Variants in NFRKB observed in about 807,000 individuals in gnomAD.
NFRKB encodes the protein nuclear factor related to kappa-B-binding protein.
A neutral mutation model predicts 135.7 loss-of-function variants in NFRKB; 62 were observed. That is an observed-to-expected ratio of 0.46 (90% CI 0.37 to 0.56). The LOEUF (loss-of-function observed/expected upper bound fraction) is 0.56. NFRKB is among the 20% of genes least tolerant of loss of function. The pLI is 0.00. For synonymous variants in NFRKB, 678 were observed against 635.6 expected (o/e 1.07, Z -1.00); for missense variants, 1,545 against 1,662.0 (o/e 0.93, Z 1.22).
chr11:129,884,070 T>C lies in NFRKB; in HGVS notation c.816A>G (p.Pro272=), dbSNP rs1462936614. The C allele has an allele frequency of 6.2e-7, 1 of 1,614,094 alleles. No homozygotes were observed. The highest frequency in any genetic ancestry group is 2.2e-5 in the East Asian group (1 of 44,902). ...CGGCCGCACGCCCTTCCCATCTTAC[T>C]GGCTGATGTTTCCGCTTCTCGTGGT... ...KKHHEKRKHQ[P]DHPDLLTGDL... The change falls in exon 8 of 27, where the codon CCA becomes CCG. Residue 272 remains proline (P), a splice_region_variant and synonymous_variant. Transcript: ENST00000682444.
chr11:129,878,285 C>T (rs1565406528), intron 15 of NFRKB, 24 bp downstream of exon 15: 1 of 1,611,708 alleles, frequency 6.2e-7, no homozygotes, highest in Admixed American at 1.7e-5. Context: ...AGGACACCAC[C>T]CACCACTACA....
intron 23 of NFRKB, among the ~76,000 whole-genome samples, chr11:129,870,721 A>T (rs1354063303): frequency 6.6e-6 from 1 of 152,070 alleles, no homozygotes; most frequent in Non-Finnish European, 1.5e-5. Context: ...TGTACAACTG[A>T]GCCCGGCTTC....
Position 129,882,628 on chromosome 11 carries a change from A to G in NFRKB, c.905T>C (p.Leu302Ser). Residue 302 changes from leucine to serine, a missense_variant, in exon 10 of 27, where the codon TTA becomes TCA. Around this residue, in one of 3 missense-constraint regions of NFRKB, gnomAD observed 678 missense variants for 646.7 expected, o/e 1.05. Transcript: ENST00000682444. ...NAGRKGSLAA[L>S]YDLAVLKKKV... ...TTTTTTAAGGACAGCCAAGTCATAT[A>G]AGGCTAGAAAGGCAAAGTAACACCA... 13 of 1,613,074 alleles carry G rather than the reference A, an allele frequency of 8.1e-6. No homozygotes were observed. The highest frequency in any genetic ancestry group is 1.1e-5 in the Non-Finnish European group (13 of 1,179,764).
intron 3 of NFRKB, among the ~76,000 whole-genome samples, chr11:129,889,679 T>C (rs533084964): frequency 1.3e-5 from 2 of 149,092 alleles, no homozygotes; most frequent in Admixed American, 1.3e-4. Context: ...GAAGCAAACA[T>C]CCCACATTTA....
intron 24 of NFRKB, among the ~76,000 whole-genome samples, chr11:129,868,682 C>T (rs746658755): frequency 1.3e-5 from 2 of 152,230 alleles, no homozygotes; most frequent in Non-Finnish European, 2.9e-5. Context: ...ATTCAAAAGA[C>T]CCCAGTCAGT....
chr11:129,891,219 C>T (rs1326726503), intron 3 of NFRKB, among the ~76,000 whole-genome samples: 1 of 151,226 alleles, frequency 6.6e-6, no homozygotes, highest in African/African-American at 2.4e-5. Context: ...GCCAGGAGCA[C>T]AAAAGATGCC....
At chr11:129,889,127 A>G (rs944943012) in intron 3 of NFRKB, among the ~76,000 whole-genome samples, 3 of 151,788 alleles carry the variant, frequency 2.0e-5, no homozygotes, top group East Asian at 1.9e-4. Flanking sequence ...ACGCCTGCCT[A>G]TTTTTTGTAT....
chr11:129,864,895 C>T (rs750937420), intron 26 of NFRKB, 45 bp from the exon 27 acceptor site: 1 of 1,613,902 alleles, frequency 6.2e-7, no homozygotes, highest in South Asian at 1.1e-5. Context: ...TGCAAGCGGG[C>T]TCACCAGTTA....
chr11:129,882,253 T>C, intron 10 of NFRKB, 59 bp from the exon 11 acceptor site: 6 of 1,475,626 alleles, frequency 4.1e-6, no homozygotes, highest in Non-Finnish European at 5.5e-6. Flanking sequence ...CCTAGATTGA[T>C]TCAGGCGCCC....
At chr11:129,882,378 C>T in intron 10 of NFRKB, 73 bp downstream of exon 10, 1 of 1,533,140 alleles carries the variant, frequency 6.5e-7, no homozygotes, top group South Asian at 1.2e-5. Flanking sequence ...TACGACAAGC[C>T]CTAGGGGCCA....
At position 129,870,049 on chromosome 11, in the gene NFRKB, C is replaced by T; in HGVS notation, c.2976G>A (p.Gln992=). The T allele has an allele frequency of 5.6e-6, 9 of 1,614,236 alleles. No homozygotes were observed. Among genetic ancestry groups the T allele is most frequent in the Non-Finnish European group, 7.6e-6 (9 of 1,180,052 alleles). ...TGTTGCCTCCTGTCCCGAAGAGGTC[C>T]TGGGTCAATTTGACTGTGGTAACCT... ...KSQVTTVKLT[Q]DLFGTGGNTT... The change falls in exon 24 of 27, where the codon CAG becomes CAA. Residue 992 remains glutamine, a synonymous_variant. Transcript: ENST00000682444.
Position 129,869,670 on chromosome 11 carries a change from T to C in NFRKB, c.3355A>G (p.Ser1119Gly). The change falls in exon 24 of 27, where the codon AGT becomes GGT. Residue 1119 changes from serine to glycine, a missense_variant. Around this residue, in one of 3 missense-constraint regions of NFRKB, gnomAD observed 753 missense variants for 804.3 expected, o/e 0.94. Transcript: ENST00000682444. Reference sequence around the variant, plus strand: ...GAAGTATGGACAGTTCCAGACCCACTGGCCACCGAGGCCCCTTGCTTGGCG... The same window carrying C: ...GAAGTATGGACAGTTCCAGACCCACCGGCCACCGAGGCCCCTTGCTTGGCG... ...THAKQGASVA[S>G]GSGTVHTSAV... The C allele has an allele frequency of 6.2e-7, 1 of 1,614,224 alleles. No homozygotes were observed. The highest frequency in any genetic ancestry group is 8.5e-7 in the Non-Finnish European group (1 of 1,180,046).
At chr11:129,876,989 T>C (rs1242413118) in intron 16 of NFRKB, 94 bp from the exon 17 acceptor site, 6 of 1,201,890 alleles carry the variant, frequency 5.0e-6, no homozygotes, top group Non-Finnish European at 7.1e-6. Context: ...CATGGAACAA[T>C]TAAAACAGGA....
At position 129,873,843 on chromosome 11, in the gene NFRKB, G is replaced by A; in HGVS notation, c.2452C>T (p.Gln818Ter). The A allele has an allele frequency of 6.2e-7, 1 of 1,614,176 alleles. No individual in the cohort carries two copies. The highest frequency in any genetic ancestry group is 8.5e-7 in the Non-Finnish European group (1 of 1,180,034). The change falls in exon 22 of 27, where the codon CAG (glutamine) becomes TAG (stop). Residue 818 changes from glutamine to a stop codon, truncating the protein, a stop_gained. Coordinates refer to ENST00000682444, the MANE Select transcript of NFRKB (RefSeq NM_001143835.2). LOFTEE classifies it high-confidence loss of function. ...GTCTGTGCCGGCCCTCCCGACTGCTGGGGAACAGCAGGAAGGCTAGGCTGG... is the reference window on the plus strand; with the variant it reads ...GTCTGTGCCGGCCCTCCCGACTGCTAGGGAACAGCAGGAAGGCTAGGCTGG... ...VAQPSLPAVPQQSGGPAQTLP... is the reference protein window; with the variant it reads ...VAQPSLPAVP
intron 3 of NFRKB, among the ~76,000 whole-genome samples, chr11:129,891,507 T>C (rs933760011): frequency 3.3e-5 from 5 of 152,148 alleles, no homozygotes; most frequent in African/African-American, 1.2e-4. Context: ...TGGGGCAATC[T>C]AGGCCAAACA....
In NFRKB at chr11:129,882,169, G is replaced by A. The variant is rs148289841; in HGVS notation, c.1108C>T (p.Leu370Phe). ...CTGGAAGATATTTCATTGATTCCAA[G>A]GCAAGGCTTGAGGTCTTCAAGGGGC... The part of the protein sequence containing the change: ...EEPLEDLKPC[L>F]GINEISSSFF... Residue 370 changes from leucine to phenylalanine, a missense_variant, in exon 11 of 27, where the codon CTT becomes TTT. Coordinates refer to ENST00000682444, the MANE Select transcript of NFRKB (RefSeq NM_001143835.2). 1.9e-6 allele frequency: 3 copies of A among 1,613,074 alleles called. No homozygotes were observed. The highest frequency in any genetic ancestry group is 2.5e-6 in the Non-Finnish European group (3 of 1,179,706).
chr11:129,884,861 T>G lies in NFRKB; in HGVS notation c.641-15A>C. ...TGAGCTGAGATCTTCAAAAGAAAAT[T>G]GTTCTTGTAAATCCAACGTGGCTGT... is the stretch of plus-strand genomic sequence containing the variant. On this transcript the variant is annotated splice_polypyrimidine_tract_variant and intron_variant, in intron 6 of 26. Coordinates refer to ENST00000682444, the MANE Select transcript of NFRKB (RefSeq NM_001143835.2). 1.9e-6 allele frequency: 3 copies of G among 1,614,134 alleles called. No homozygotes were observed. The highest frequency in any genetic ancestry group is 2.5e-6 in the Non-Finnish European group (3 of 1,179,990).
rs778520087 is a variant in NFRKB, at chr11:129,883,209, A to T, written c.817-3T>A. 1 of 1,613,808 alleles carries T rather than the reference A, an allele frequency of 6.2e-7. No individual in the cohort carries two copies. The highest frequency in any genetic ancestry group is 2.2e-5 in the East Asian group (1 of 44,888). The stretch of plus-strand genomic sequence containing the variant: ...CCTGTCAAAAGGTCCGGGTGATCCT[A>T]GATGTGATATCCAGAATTTGGTCAT... On this transcript the variant is annotated splice_polypyrimidine_tract_variant and splice_region_variant and intron_variant, in intron 8 of 26. Coordinates refer to ENST00000682444, the MANE Select transcript of NFRKB (RefSeq NM_001143835.2).
chr11:129,882,195 CTAA>C lies in NFRKB; in HGVS notation c.1083-4_1083-2del, dbSNP rs755286776. ...GCAAGGCTTGAGGTCTTCAAGGGGC[CTAA>C]TGAGGGAAGAAAAATATAAGAACCA... On this transcript the variant is annotated splice_acceptor_variant and splice_polypyrimidine_tract_variant and intron_variant, in intron 10 of 26. Coordinates refer to ENST00000682444, the MANE Select transcript of NFRKB (RefSeq NM_001143835.2). LOFTEE classifies it high-confidence loss of function. 17 of 1,596,192 alleles carry C rather than the reference CTAA, an allele frequency of 1.1e-5. No individual in the cohort carries two copies. The highest frequency in any genetic ancestry group is 2.7e-5 in the African/African-American group (2 of 73,478).
Sources: gnomAD v4.1 joint callset for allele counts (sites outside exome capture counted in the v4.1 genomes callset) on GRCh38, gnomAD v4.1.1 for gene constraint, gnomAD v4.1.1 regional missense constraint, MANE v1.5 for transcripts, NCBI Gene and HGNC (gene_info 2026-07-23, HGNC 2026-07-21) for gene names.